The following FNDC3B variants were observed in gnomAD, a reference collection of about 807,000 sequenced individuals.
FNDC3B encodes fibronectin type III domain-containing protein 3B.
Under a neutral mutation model 151.5 loss-of-function variants are expected in FNDC3B, and 12 were observed. The observed-to-expected ratio is 0.08, with a 90% CI of 0.05 to 0.13. The LOEUF (loss-of-function observed/expected upper bound fraction) is 0.13, where lower values mean the gene tolerates loss of function less well. FNDC3B is among the 10% of genes least tolerant of loss of function. The probability of loss-of-function intolerance (pLI) is 1.00; values close to 1 mark genes in which losing one functional copy is unlikely to be tolerated. For synonymous variants in FNDC3B, 528 were observed against 549.0 expected, an observed-to-expected ratio of 0.96 and a Z score of 0.54; for missense variants, 1,214 against 1,505.3, an observed-to-expected ratio of 0.81 and a Z score of 3.20.
At chr3:172,041,359 T>TTTTC (rs34854407) in intron 1 of FNDC3B, among the ~76,000 whole-genome samples, 50,188 of 149,110 alleles carry the variant, frequency 0.34, 8,774 homozygotes, top group Admixed American at 0.38. Flanking sequence ...TTAAAAATCG[T>TTTTC]TTTCTTTCTT....
At chr3:172,111,124 C>T (rs1719942753) in intron 1 of FNDC3B, among the ~76,000 whole-genome samples, 1 of 149,626 alleles carries the variant, frequency 6.7e-6, no homozygotes, top group Non-Finnish European at 1.5e-5. Context: ...AAAAGATAGG[C>T]CTGTGTAATG....
At chr3:172,136,456 C>G (rs1270335729) in intron 3 of FNDC3B, among the ~76,000 whole-genome samples, 2 of 152,126 alleles carry the variant, frequency 1.3e-5, no homozygotes, top group South Asian at 2.1e-4. Flanking sequence ...GGCTCAGCTT[C>G]CAGGTGGGGC....
At chr3:172,211,956 C>A (rs894045633) in intron 3 of FNDC3B, among the ~76,000 whole-genome samples, 1 of 152,210 alleles carries the variant, frequency 6.6e-6, no homozygotes, top group African/African-American at 2.4e-5. Context: ...GTTCTACCTA[C>A]TTCCTTATTC....
intron 1 of FNDC3B, among the ~76,000 whole-genome samples, chr3:172,091,873 G>GGGGTGTGTGTGT (rs1553760105): frequency 6.1e-4 from 76 of 124,816 alleles, no homozygotes; most frequent in East Asian, 9.4e-4. Context: ...ACTTTACTGG[G>GGGGTGTGTGTGT]GTGTGTGTGT....
intron 10 of FNDC3B, 73 bp from the exon 11 acceptor site, chr3:172,310,755 T>G: frequency 3.0e-5 from 32 of 1,073,038 alleles, no homozygotes; most frequent in African/African-American, 6.2e-5. Context: ...ACACTGTATG[T>G]GAGCCAGGTG....
chr3:172,251,699 A>G (rs1420374419), intron 6 of FNDC3B, among the ~76,000 whole-genome samples, 158 bp downstream of exon 6: 1 of 152,234 alleles, frequency 6.6e-6, no homozygotes, highest in African/African-American at 2.4e-5. Flanking sequence ...CTTGGTAAGG[A>G]AATAATATTG....
chr3:172,381,173 G>A, intron 25 of FNDC3B, 80 bp downstream of exon 25: 2 of 1,491,688 alleles, frequency 1.3e-6, no homozygotes, highest in Non-Finnish European at 9.2e-7. Flanking sequence ...GAATGACTCA[G>A]TGAACTATGT....
chr3:172,106,344 A>C (rs1392768646), intron 1 of FNDC3B, among the ~76,000 whole-genome samples: 1 of 152,146 alleles, frequency 6.6e-6, no homozygotes. Context: ...AGTCAAAGTT[A>C]GTGGGAGGTC....
intron 1 of FNDC3B, among the ~76,000 whole-genome samples, chr3:172,079,199 G>A (rs1718165246): frequency 6.6e-6 from 1 of 152,118 alleles, no homozygotes; most frequent in Non-Finnish European, 1.5e-5. Context: ...TACTGTAAAA[G>A]TTTAACATGC....
intron 3 of FNDC3B, among the ~76,000 whole-genome samples, chr3:172,179,038 G>C (rs1006485714): frequency 2.6e-5 from 4 of 152,038 alleles, no homozygotes; most frequent in African/African-American, 7.2e-5. Context: ...AGGCCATAGG[G>C]CCCCTTTATC....
chr3:172,109,918 T>A (rs541792600), intron 1 of FNDC3B, among the ~76,000 whole-genome samples: 1 of 152,354 alleles, frequency 6.6e-6, no homozygotes, highest in South Asian at 2.1e-4. Flanking sequence ...GTTTTGCACA[T>A]CTGTGTCAGT....
At chr3:172,102,396 A>AT (rs796460959) in intron 1 of FNDC3B, among the ~76,000 whole-genome samples, 37 of 149,814 alleles carry the variant, frequency 2.5e-4, no homozygotes, top group African/African-American at 5.1e-4. Flanking sequence ...CTTGCAACAC[A>AT]TTTTTTTTTT....
chr3:172,198,521 T>C (rs1724967933), intron 3 of FNDC3B, among the ~76,000 whole-genome samples: 1 of 152,158 alleles, frequency 6.6e-6, no homozygotes, highest in African/African-American at 2.4e-5. Flanking sequence ...TTGTAAAACT[T>C]CTACCATTTC....
At chr3:172,144,559 G>A (rs568485432) in intron 3 of FNDC3B, among the ~76,000 whole-genome samples, 75 of 152,288 alleles carry the variant, frequency 4.9e-4, no homozygotes, top group African/African-American at 1.8e-3. Context: ...AGAACACACT[G>A]GATGAATGTT....
chr3:172,298,100 A>C (rs1252572090), intron 8 of FNDC3B, among the ~76,000 whole-genome samples: 1 of 152,186 alleles, frequency 6.6e-6, no homozygotes, highest in African/African-American at 2.4e-5. Flanking sequence ...TATGACACTG[A>C]TATTTTTGAA....
chr3:172,346,053 C>A (rs550374935), intron 19 of FNDC3B: 66 of 200,152 alleles, frequency 3.3e-4, no homozygotes, highest in African/African-American at 1.5e-3. Flanking sequence ...ATTTTTATTT[C>A]ATGTCCCAAG....
At chr3:172,095,266 C>T (rs1719042618) in intron 1 of FNDC3B, among the ~76,000 whole-genome samples, 1 of 152,166 alleles carries the variant, frequency 6.6e-6, no homozygotes, top group African/African-American at 2.4e-5. Flanking sequence ...CTCTGATCTA[C>T]TAGGGATGTT....
intron 1 of FNDC3B, among the ~76,000 whole-genome samples, chr3:172,099,607 C>G (rs1360083836): frequency 1.3e-5 from 2 of 152,154 alleles, no homozygotes; most frequent in Non-Finnish European, 2.9e-5. Flanking sequence ...TGCTGACAGC[C>G]CCAGCAGGAA....
chr3:172,130,463 G>A (rs190286596), intron 2 of FNDC3B, among the ~76,000 whole-genome samples: 16 of 152,074 alleles, frequency 1.1e-4, no homozygotes, highest in East Asian at 5.8e-4. Context: ...TTAAAAGCCC[G>A]TTACCTATCA....
Sources: gnomAD v4.1 joint callset for allele counts (sites outside exome capture counted in the v4.1 genomes callset) on GRCh38, gnomAD v4.1.1 for gene constraint, MANE v1.5 for transcripts, NCBI Gene and HGNC (gene_info 2026-07-23, HGNC 2026-07-21) for gene names.